Variants in KRTAP9-3 observed in about 807,000 individuals in gnomAD.
The protein encoded by KRTAP9-3 is keratin-associated protein 9-3.
In KRTAP9-3, 12 loss-of-function variants were observed where a neutral mutation model predicts 13.0. The ratio of observed to expected loss-of-function variants is 0.93; its 90% CI spans 0.59 to 1.50. The LOEUF (loss-of-function observed/expected upper bound fraction) is 1.50, where lower values mean the gene tolerates loss of function less well. KRTAP9-3 is among the 40% of genes most tolerant of loss of function. The pLI, the probability that KRTAP9-3 is intolerant of heterozygous loss-of-function variation, is 0.00. For missense variants in KRTAP9-3, 232 were observed against 195.2 expected (o/e 1.19, Z -1.12); for synonymous variants, 89 against 68.7 (o/e 1.29, Z -1.46).
In KRTAP9-3 at chr17:41,232,825, C is replaced by T. The variant is rs560397381; in HGVS notation, c.324C>T (p.Pro108=). The stretch of plus-strand genomic sequence containing the variant: ...ACTGCAGAAGAACCTGCTACCACCC[C>T]ACAAGTGTTTGTCTGCCTGGTTGCC... ...PVYCRRTCYH[P]TSVCLPGCLN... Residue 108 remains proline (P), a synonymous_variant, in exon 1 of 1, where the codon CCC becomes CCT. Coordinates refer to ENST00000411528, the MANE Select transcript of KRTAP9-3 (RefSeq NM_031962.3). 6.2e-6 allele frequency: 10 copies of T among 1,608,276 alleles called. 1 individual carries two copies. The highest frequency in any genetic ancestry group is 4.3e-5 in the African/African-American group (3 of 69,360).
Position 41,233,161 on chromosome 17 carries a change from T to A in KRTAP9-3, c.*180T>A, listed in dbSNP as rs902027620. 10 of 1,027,168 alleles carry A rather than the reference T, an allele frequency of 9.7e-6. No homozygotes were observed. The highest frequency in any genetic ancestry group is 6.1e-4 in the Middle Eastern group (2 of 3,266). The allele number at this position is 1,027,168 out of a possible 1,614,324, so 63.6% of individuals were successfully genotyped here. A position where few individuals can be genotyped will look rare whatever the true frequency, so the allele number is the denominator to read the frequency against. Reference sequence around the variant, plus strand: ...TGAGGGAGGGCAGAATACTTCATCCTCATTCCCTCTTTCCTTACACCTTGT... The same window carrying A: ...TGAGGGAGGGCAGAATACTTCATCCACATTCCCTCTTTCCTTACACCTTGT... On this transcript the variant is annotated 3_prime_UTR_variant, in exon 1 of 1. Coordinates refer to ENST00000411528, the MANE Select transcript of KRTAP9-3 (RefSeq NM_031962.3).
Position 41,232,543 on chromosome 17 carries a change from C to G in KRTAP9-3, c.42C>G (p.Cys14Trp). The G allele has an allele frequency of 1.1e-5, 18 of 1,606,112 alleles. No individual in the cohort carries two copies. Among genetic ancestry groups the G allele is most frequent in the Non-Finnish European group, 1.5e-5 (18 of 1,179,326 alleles). Residue 14 changes from cysteine to tryptophan, a missense_variant, in exon 1 of 1, where the codon TGC becomes TGG. Coordinates refer to ENST00000411528, the MANE Select transcript of KRTAP9-3 (RefSeq NM_031962.3). ...CCSPCCQPTC[C>W]RTTCWQPTTV... ...CCCCTTGCTGTCAGCCTACCTGCTGCAGGACCACCTGCTGGCAGCCCACCA... is the reference window on the plus strand; with the variant it reads ...CCCCTTGCTGTCAGCCTACCTGCTGGAGGACCACCTGCTGGCAGCCCACCA...
chr17:41,232,989 C>G lies in KRTAP9-3; in HGVS notation c.*8C>G. On this transcript the variant is annotated 3_prime_UTR_variant, in exon 1 of 1. Transcript: ENST00000411528. ...CAGCCTTCTTGCTGCTAATCAACTCCCAAGAGAACTACCATCCTCACACAA... is the reference window on the plus strand; with the variant it reads ...CAGCCTTCTTGCTGCTAATCAACTCGCAAGAGAACTACCATCCTCACACAA... 1 of 1,608,370 alleles carries G rather than the reference C, an allele frequency of 6.2e-7. No homozygotes were observed. Among genetic ancestry groups the G allele is most frequent in the Non-Finnish European group, 8.5e-7 (1 of 1,179,510 alleles).
rs1368206877 is a variant in KRTAP9-3, at chr17:41,233,093, T to C, written c.*112T>C. 1 of 1,503,210 alleles carries C rather than the reference T, an allele frequency of 6.7e-7. No individual in the cohort carries two copies. The highest frequency in any genetic ancestry group is 1.5e-5 in the African/African-American group (1 of 64,876). 93.1% of individuals were successfully genotyped at this position (1,503,210 alleles called of 1,614,324 possible). On this transcript the variant is annotated 3_prime_UTR_variant, in exon 1 of 1. Coordinates refer to ENST00000411528, the MANE Select transcript of KRTAP9-3 (RefSeq NM_031962.3). ...GACAGCCACCATGCTCTCACCCAAA[T>C]TTTTATGAATTCTCTACATGTTTAA...
Position 41,233,037 on chromosome 17 carries a change from G to A in KRTAP9-3, c.*56G>A, listed in dbSNP as rs2015891183. The A allele has an allele frequency of 6.3e-7, 1 of 1,592,448 alleles. No homozygotes were observed. Among genetic ancestry groups the A allele is most frequent in the African/African-American group, 1.4e-5 (1 of 69,134 alleles). On this transcript the variant is annotated 3_prime_UTR_variant, in exon 1 of 1. Transcript: ENST00000411528. ...CAACAACCTTCAGCTCAACTGACTT[G>A]TCTTTTGAGGGACTAATTTACTTTG...
In KRTAP9-3 at chr17:41,233,071, AGCCACCAT is replaced by A; in HGVS notation, c.*93_*100del. On this transcript the variant is annotated 3_prime_UTR_variant, in exon 1 of 1. Coordinates refer to ENST00000411528, the MANE Select transcript of KRTAP9-3 (RefSeq NM_031962.3). ...GGGACTAATTTACTTTGCTGCTGAC[AGCCACCAT>A]GCTCTCACCCAAATTTTTATGAATT... The A allele has an allele frequency of 6.4e-7, 1 of 1,562,622 alleles. No homozygotes were observed. Among genetic ancestry groups the A allele is most frequent in the Non-Finnish European group, 8.7e-7 (1 of 1,155,452 alleles).
chr17:41,232,811 A>C lies in KRTAP9-3; in HGVS notation c.310A>C (p.Thr104Pro). The C allele has an allele frequency of 6.2e-7, 1 of 1,607,660 alleles. No individual in the cohort carries two copies. The highest frequency in any genetic ancestry group is 8.5e-7 in the Non-Finnish European group (1 of 1,179,936). Residue 104 changes from threonine to proline, a missense_variant, in exon 1 of 1, where the codon ACC becomes CCC. Physicochemically the swap from Thr to Pro is conservative, Grantham distance 38. Transcript: ENST00000411528. ...CTGTGCACCTGTGTACTGCAGAAGAACCTGCTACCACCCCACAAGTGTTTG... is the reference window on the plus strand; with the variant it reads ...CTGTGCACCTGTGTACTGCAGAAGACCCTGCTACCACCCCACAAGTGTTTG... ...SSCAPVYCRR[T>P]CYHPTSVCLP... is the part of the protein sequence containing the mutation.
In KRTAP9-3 at chr17:41,233,342, C is replaced by T; in HGVS notation, c.*361C>T. 1 of 358,494 alleles carries T rather than the reference C, an allele frequency of 2.8e-6. No individual in the cohort carries two copies. The highest frequency in any genetic ancestry group is 5.2e-6 in the Non-Finnish European group (1 of 192,770). 22.2% of individuals were successfully genotyped at this position (358,494 alleles called of 1,614,324 possible). A position where few individuals can be genotyped will look rare whatever the true frequency, so the allele number is the denominator to read the frequency against. On this transcript the variant is annotated 3_prime_UTR_variant, in exon 1 of 1. Transcript: ENST00000411528. ...ATATTTTCATTTTAAATATCCTTCT[C>T]ATGGTTCTTGTATCCTTCTTTCTTC... is the stretch of plus-strand genomic sequence containing the variant.
Position 41,232,790 on chromosome 17 carries a change from G to T in KRTAP9-3, c.289G>T (p.Ala97Ser). Reference sequence around the variant, plus strand: ...CAGCTGTGGTCAGAGCAGCTCCTGTGCACCTGTGTACTGCAGAAGAACCTG... The same window carrying T: ...CAGCTGTGGTCAGAGCAGCTCCTGTTCACCTGTGTACTGCAGAAGAACCTG... ...GSSCGQSSSCAPVYCRRTCYH... is the reference protein window; with the variant it reads ...GSSCGQSSSCSPVYCRRTCYH... The change falls in exon 1 of 1, where the codon GCA (alanine) becomes TCA (serine). Residue 97 changes from alanine to serine, a missense_variant. By Grantham distance (99) the Ala-to-Ser change is moderately conservative. Transcript: ENST00000411528. 6.2e-7 allele frequency: 1 copy of T among 1,607,646 alleles called. No homozygotes were observed. The highest frequency in any genetic ancestry group is 8.5e-7 in the Non-Finnish European group (1 of 1,179,944).
Position 41,232,766 on chromosome 17 carries a change from A to AGCT in KRTAP9-3, c.267_269dup (p.Cys90dup), listed in dbSNP as rs781739136. The stretch of plus-strand genomic sequence containing the variant: ...CTGCCAGCCCACATGCTGTGGGTCC[A>AGCT]GCTGTGGTCAGAGCAGCTCCTGTGC... On this transcript the variant is annotated inframe_insertion, in exon 1 of 1. Coordinates refer to ENST00000411528, the MANE Select transcript of KRTAP9-3 (RefSeq NM_031962.3). 2 of 1,607,680 alleles carry AGCT rather than the reference A, an allele frequency of 1.2e-6. No homozygotes were observed. Among genetic ancestry groups the AGCT allele is most frequent in the Non-Finnish European group, 1.7e-6 (2 of 1,179,922 alleles).
chr17:41,233,111 A>G lies in KRTAP9-3; in HGVS notation c.*130A>G, dbSNP rs142516589. On this transcript the variant is annotated 3_prime_UTR_variant, in exon 1 of 1. Coordinates refer to ENST00000411528, the MANE Select transcript of KRTAP9-3 (RefSeq NM_031962.3). ...ACCCAAATTTTTATGAATTCTCTAC[A>G]TGTTTAAAATCTTGGGAATCTGCTT... 2.8e-6 allele frequency: 4 copies of G among 1,446,922 alleles called. No homozygotes were observed. The highest frequency in any genetic ancestry group is 1.6e-5 in the African/African-American group (1 of 62,890). 89.6% of individuals were successfully genotyped at this position (1,446,922 alleles called of 1,614,324 possible).
Position 41,233,044 on chromosome 17 carries a change from G to A in KRTAP9-3, c.*63G>A, listed in dbSNP as rs947986743. ...CTTCAGCTCAACTGACTTGTCTTTT[G>A]AGGGACTAATTTACTTTGCTGCTGA... is the stretch of plus-strand genomic sequence containing the variant. On this transcript the variant is annotated 3_prime_UTR_variant, in exon 1 of 1. Transcript: ENST00000411528. The A allele has an allele frequency of 6.3e-6, 10 of 1,590,052 alleles. No individual in the cohort carries two copies. In the South Asian group the frequency reaches 1.1e-4, roughly 18 times the overall value.
Position 41,232,623 on chromosome 17 carries a change from G to T in KRTAP9-3, c.122G>T (p.Ser41Ile). Residue 41 changes from serine (S) to isoleucine (I), a missense_variant, in exon 1 of 1, where the codon AGC becomes ATC. Coordinates refer to ENST00000411528, the MANE Select transcript of KRTAP9-3 (RefSeq NM_031962.3). ...TGTCAGCCCTCCTGCTGTGTTTCCA[G>T]CTGCTGCCAGCCTTGCTGCCACCCA... ...PCCQPSCCVSSCCQPCCHPTC... is the reference protein window; with the variant it reads ...PCCQPSCCVSICCQPCCHPTC... 1 of 1,603,334 alleles carries T rather than the reference G, an allele frequency of 6.2e-7. No individual in the cohort carries two copies. Among genetic ancestry groups the T allele is most frequent in the Non-Finnish European group, 8.5e-7 (1 of 1,176,448 alleles).
rs1477880791 is a variant in KRTAP9-3, at chr17:41,232,959, G to A, written c.458G>A (p.Cys153Tyr). The change falls in exon 1 of 1, where the codon TGC becomes TAC. Residue 153 changes from cysteine (C) to tyrosine (Y), a missense_variant. Coordinates refer to ENST00000411528, the MANE Select transcript of KRTAP9-3 (RefSeq NM_031962.3). ...TCFQPTCVYS[C>Y]CQPSCC ...TTCCAGCCCACCTGTGTGTACAGCT[G>A]CTGCCAGCCTTCTTGCTGCTAATCA... 6.2e-7 allele frequency: 1 copy of A among 1,608,802 alleles called. No individual in the cohort carries two copies. The highest frequency in any genetic ancestry group is 8.5e-7 in the Non-Finnish European group (1 of 1,179,856).
chr17:41,232,561 G>A lies in KRTAP9-3; in HGVS notation c.60G>A (p.Gln20=), dbSNP rs773229979. The A allele has an allele frequency of 1.2e-6, 2 of 1,604,090 alleles. No individual in the cohort carries two copies. ...CCTGCTGCAGGACCACCTGCTGGCA[G>A]CCCACCACTGTGACCACCTGCAGCA... The part of the protein sequence containing the change: ...QPTCCRTTCW[Q]PTTVTTCSST... The change falls in exon 1 of 1, where the codon CAG becomes CAA. Residue 20 remains glutamine, a synonymous_variant. Transcript: ENST00000411528.
In KRTAP9-3 at chr17:41,233,019, C is replaced by T. The variant is rs202120350; in HGVS notation, c.*38C>T. 632 of 1,603,574 alleles carry T rather than the reference C, an allele frequency of 3.9e-4. 12 individuals are homozygous for T. Among genetic ancestry groups the T allele is most frequent in the Middle Eastern group, 3.5e-3 (21 of 6,038 alleles). On this transcript the variant is annotated 3_prime_UTR_variant, in exon 1 of 1. Coordinates refer to ENST00000411528, the MANE Select transcript of KRTAP9-3 (RefSeq NM_031962.3). ...AGAACTACCATCCTCACACAACAAC[C>T]TTCAGCTCAACTGACTTGTCTTTTG... is the stretch of plus-strand genomic sequence containing the variant.
Position 41,232,493 on chromosome 17 carries a change from C to G in KRTAP9-3, c.-9C>G. 6.2e-7 allele frequency: 1 copy of G among 1,605,224 alleles called. No individual in the cohort carries two copies. Among genetic ancestry groups the G allele is most frequent in the East Asian group, 2.2e-5 (1 of 44,870 alleles). On this transcript the variant is annotated 5_prime_UTR_variant, in exon 1 of 1. Coordinates refer to ENST00000411528, the MANE Select transcript of KRTAP9-3 (RefSeq NM_031962.3). The stretch of plus-strand genomic sequence containing the variant: ...TCTTAACAGAAGCCCACCCTCCATC[C>G]CTGACACCATGACCCACTGTTGCTC...
In KRTAP9-3 at chr17:41,232,998, C is replaced by A. The variant is rs376086720; in HGVS notation, c.*17C>A. The stretch of plus-strand genomic sequence containing the variant: ...TGCTGCTAATCAACTCCCAAGAGAA[C>A]TACCATCCTCACACAACAACCTTCA... On this transcript the variant is annotated 3_prime_UTR_variant, in exon 1 of 1. Coordinates refer to ENST00000411528, the MANE Select transcript of KRTAP9-3 (RefSeq NM_031962.3). The A allele has an allele frequency of 1.7e-4, 275 of 1,607,566 alleles. 1 individual carries two copies. Among genetic ancestry groups the A allele is most frequent in the Non-Finnish European group, 2.3e-4 (270 of 1,179,012 alleles).
rs1016136711 is a variant in KRTAP9-3, at chr17:41,233,050, C to T, written c.*69C>T. 3.2e-6 allele frequency: 5 copies of T among 1,582,538 alleles called. No individual in the cohort carries two copies. In the South Asian group the frequency reaches 4.6e-5, roughly 15 times the overall value. ...CTCAACTGACTTGTCTTTTGAGGGA[C>T]TAATTTACTTTGCTGCTGACAGCCA... On this transcript the variant is annotated 3_prime_UTR_variant, in exon 1 of 1. Coordinates refer to ENST00000411528, the MANE Select transcript of KRTAP9-3 (RefSeq NM_031962.3).
Sources: allele counts gnomAD v4.1 joint callset, GRCh38; gene constraint gnomAD v4.1.1; transcripts MANE v1.5; gene names NCBI Gene and HGNC (gene_info 2026-07-23, HGNC 2026-07-21).